Variants in SLC25A21 observed in about 807,000 individuals in gnomAD.
SLC25A21 encodes the protein solute carrier family 25 member 21.
SLC25A21 carries 47 observed loss-of-function variants against 43.8 expected under a neutral mutation model. That is an observed-to-expected ratio of 1.07 (90% CI 0.85 to 1.37). The LOEUF (loss-of-function observed/expected upper bound fraction) is 1.37, where lower values mean the gene tolerates loss of function less well. Ranked by LOEUF, SLC25A21 falls within the 40% of genes most tolerant of loss-of-function variation. The pLI is 0.00. For synonymous variants in SLC25A21, 131 were observed against 121.3 expected (o/e 1.08, Z -0.52); for missense variants, 352 against 350.2 (o/e 1.00, Z -0.04).
At chr14:37,164,374 C>G (rs994726076) in intron 1 of SLC25A21, among the ~76,000 whole-genome samples, 33 of 152,114 alleles carry the variant, frequency 2.2e-4, no homozygotes, top group African/African-American at 7.7e-4. Flanking sequence ...CCCTAATTAC[C>G]CAGATAATGG....
intron 3 of SLC25A21, among the ~76,000 whole-genome samples, chr14:36,772,187 A>C (rs779865767): frequency 3.3e-5 from 5 of 152,184 alleles, no homozygotes; most frequent in Admixed American, 1.3e-4. Context: ...GAAAAGGGAG[A>C]GCTCTTGTAG....
chr14:36,717,305 C>A (rs1164348191), intron 6 of SLC25A21, among the ~76,000 whole-genome samples: 1 of 152,124 alleles, frequency 6.6e-6, no homozygotes, highest in African/African-American at 2.4e-5. Context: ...TTAGATATTT[C>A]ACAAATTCAT....
At chr14:36,830,258 A>G (rs1888988285) in intron 2 of SLC25A21, among the ~76,000 whole-genome samples, 1 of 152,214 alleles carries the variant, frequency 6.6e-6, no homozygotes, top group Admixed American at 6.5e-5. Flanking sequence ...TATTTGTTTT[A>G]CTGGCATTAG....
intron 7 of SLC25A21, among the ~76,000 whole-genome samples, chr14:36,688,595 C>A (rs1882654607): frequency 6.6e-6 from 1 of 152,224 alleles, no homozygotes; most frequent in African/African-American, 2.4e-5. Flanking sequence ...GGTCCTACCG[C>A]CCCACCTCCA....
chr14:36,836,967 C>T (rs974416745), intron 2 of SLC25A21, among the ~76,000 whole-genome samples: 3 of 151,974 alleles, frequency 2.0e-5, no homozygotes, highest in Non-Finnish European at 4.4e-5. Flanking sequence ...GAAAAGAGAC[C>T]GGATACACCC....
At chr14:36,802,594 A>G (rs1483290658) in intron 3 of SLC25A21, among the ~76,000 whole-genome samples, 1 of 152,226 alleles carries the variant, frequency 6.6e-6, no homozygotes, top group African/African-American at 2.4e-5. Context: ...ATTCTAATCC[A>G]GGTCTCTTTG....
chr14:36,724,857 A>T (rs1467554238), intron 6 of SLC25A21, among the ~76,000 whole-genome samples: 1 of 151,762 alleles, frequency 6.6e-6, no homozygotes, highest in East Asian at 1.9e-4. Context: ...TAAAAAAATG[A>T]CTCAGTTTTT....
chr14:37,073,572 G>C (rs1441713618), intron 1 of SLC25A21, among the ~76,000 whole-genome samples: 3 of 152,178 alleles, frequency 2.0e-5, no homozygotes, highest in East Asian at 3.9e-4. Flanking sequence ...ATGCTTTTCT[G>C]CTATTAATCT....
chr14:37,032,670 CA>C (rs3061773), intron 1 of SLC25A21, among the ~76,000 whole-genome samples: 228 of 93,694 alleles, frequency 2.4e-3, no homozygotes, highest in Admixed American at 7.3e-3. Context: ...GACTCTGTCT[CA>C]AAAAAAAAAA....
intron 1 of SLC25A21, among the ~76,000 whole-genome samples, chr14:37,163,698 G>C (rs950355481): frequency 6.6e-6 from 1 of 152,094 alleles, no homozygotes; most frequent in Non-Finnish European, 1.5e-5. Flanking sequence ...GGGAGGAGTG[G>C]GGAGGATGAA....
rs367672492 is a variant in SLC25A21, at chr14:36,857,797, G to A, written c.119+17159C>T. ...TGGCATCATTTGCTGGGCTGAGGCC[G>A]CAGGCCTGAAGATGGGCGGGCCACA... On this transcript the variant is annotated intron_variant, in intron 2 of 9. Coordinates refer to ENST00000331299, the MANE Select transcript of SLC25A21 (RefSeq NM_030631.4). Among the ~76,000 whole-genome samples, 242 of 152,326 alleles carry A rather than the reference G, an allele frequency of 1.6e-3. 2 individuals are homozygous for A. Among genetic ancestry groups the A allele is most frequent in the South Asian group, 4.6e-3 (22 of 4,830 alleles).
chr14:36,943,094 C>T (rs897973913), intron 1 of SLC25A21, among the ~76,000 whole-genome samples: 17 of 152,246 alleles, frequency 1.1e-4, no homozygotes, highest in African/African-American at 4.1e-4. Context: ...CAGTCAAGTC[C>T]ACCAAGTGAA....
intron 6 of SLC25A21, among the ~76,000 whole-genome samples, chr14:36,721,753 G>A (rs948562031): frequency 6.6e-6 from 1 of 152,268 alleles, no homozygotes; most frequent in African/African-American, 2.4e-5. Flanking sequence ...ATTCCCACCT[G>A]ATCAGTTGAG....
rs1397904925 is a variant in SLC25A21 at position 36,776,234 on chromosome 14, C to CTTTTTTTTTTTTTTTTTTTTTT, written c.203+37683_203+37684insAAAAAAAAAAAAAAAAAAAAAA. Among the ~76,000 whole-genome samples the CTTTTTTTTTTTTTTTTTTTTTT allele has an allele frequency of 2.2e-4, 17 of 75,762 alleles. 3 individuals carry two copies. The highest frequency in any genetic ancestry group is 9.1e-4 in the African/African-American group (16 of 17,578). The allele number at this position is 75,762 out of a possible 152,430, so 49.7% of individuals were successfully genotyped here. A position where few individuals can be genotyped will look rare whatever the true frequency, so the allele number is the denominator to read the frequency against. On this transcript the variant is annotated intron_variant, in intron 3 of 9. Coordinates refer to ENST00000331299, the MANE Select transcript of SLC25A21 (RefSeq NM_030631.4). ...CTTTCTTTTTTCTTTTTCTTTCTTT[C>CTTTTTTTTTTTTTTTTTTTTTT]TTTCTTTTTTTTTTTTTTTTGAGAT...
chr14:36,881,294 T>C (rs1206084722), intron 1 of SLC25A21, among the ~76,000 whole-genome samples: 1 of 152,212 alleles, frequency 6.6e-6, no homozygotes. Context: ...TGAGATTACT[T>C]GCCCTAAGTC....
intron 3 of SLC25A21, among the ~76,000 whole-genome samples, chr14:36,797,881 G>A (rs1195201038): frequency 6.6e-6 from 1 of 152,130 alleles, no homozygotes; most frequent in East Asian, 1.9e-4. Flanking sequence ...TTATTTTTAT[G>A]TTAGCTATAA....
At chr14:37,136,062 T>C (rs945536608) in intron 1 of SLC25A21, among the ~76,000 whole-genome samples, 1 of 152,200 alleles carries the variant, frequency 6.6e-6, no homozygotes, top group Admixed American at 6.5e-5. Context: ...AATGGAAAGA[T>C]GGACATCTAA....
chr14:37,081,575 CACAA>C (rs1454717802), intron 1 of SLC25A21, among the ~76,000 whole-genome samples: 1 of 152,184 alleles, frequency 6.6e-6, no homozygotes, highest in Non-Finnish European at 1.5e-5. Context: ...AACTAAGGCC[CACAA>C]ACAAAGAGGG....
rs1884213 is a variant in SLC25A21 at position 36,679,757 on chromosome 14, T to C, written c.*901A>G. 495,928 of 984,448 alleles carry C rather than the reference T, an allele frequency of 0.5. 125,811 individuals are homozygous for C. Among genetic ancestry groups the C allele is most frequent in the Admixed American group, 0.61 (9,947 of 16,262 alleles). The allele number at this position is 984,448 out of a possible 1,614,324, so 61.0% of individuals were successfully genotyped here. ...AAATGGCACAGGTAGGCATGCTGAA[T>C]AAAGGTATTTGGATGCAAATACTGA... On this transcript the variant is annotated 3_prime_UTR_variant, in exon 10 of 10. Transcript: ENST00000331299.
Sources: gnomAD v4.1 joint callset for allele counts (sites outside exome capture counted in the v4.1 genomes callset) on GRCh38, gnomAD v4.1.1 for gene constraint, MANE v1.5 for transcripts, NCBI Gene and HGNC (gene_info 2026-07-23, HGNC 2026-07-21) for gene names.